TENM2: variants seen among roughly 807,000 people sequenced by gnomAD.
TENM2 encodes teneurin transmembrane protein 2.
Under a neutral mutation model 245.2 loss-of-function variants are expected in TENM2, and 52 were observed. The ratio of observed to expected loss-of-function variants is 0.21; its 90% CI spans 0.17 to 0.27. The LOEUF (loss-of-function observed/expected upper bound fraction) is 0.27, where lower values mean the gene tolerates loss of function less well. Ranked by LOEUF, TENM2 falls within the 10% of genes least tolerant of loss-of-function variation. TENM2 has a pLI of 1.00. For synonymous variants in TENM2, 1,363 were observed against 1,438.9 expected (o/e 0.95, Z 1.19); for missense variants, 3,046 against 3,666.8 (o/e 0.83, Z 4.37).
chr5:167,482,726 G>C (rs1767833345), intron 2 of TENM2, among the ~76,000 whole-genome samples: 1 of 152,152 alleles, frequency 6.6e-6, no homozygotes, highest in African/African-American at 2.4e-5. Context: ...TCTTAACTGT[G>C]TGACTTAAGT....
chr5:167,571,949 C>T (rs182205409), intron 2 of TENM2, among the ~76,000 whole-genome samples: 64 of 152,312 alleles, frequency 4.2e-4, no homozygotes, highest in Admixed American at 1.2e-3. Flanking sequence ...TTCCCAGTCA[C>T]CACTTCCCTC....
intron 4 of TENM2, among the ~76,000 whole-genome samples, chr5:167,954,386 G>A (rs1173045852): frequency 6.6e-6 from 1 of 152,184 alleles, no homozygotes; most frequent in East Asian, 1.9e-4. Context: ...TTTATTAGGT[G>A]CAGTTTTGGC....
intron 2 of TENM2, among the ~76,000 whole-genome samples, chr5:167,559,365 A>G (rs1310861399): frequency 1.3e-5 from 2 of 152,190 alleles, no homozygotes; most frequent in African/African-American, 4.8e-5. Flanking sequence ...AGTCAAATCC[A>G]GATGTCACAA....
At position 167,486,118 on chromosome 5, in the gene TENM2, G is replaced by C. The variant is rs1768053595; in HGVS notation, c.502+110645G>C. Among the ~76,000 whole-genome samples, 4 of 151,856 alleles carry C rather than the reference G, an allele frequency of 2.6e-5. No homozygotes were observed. The South Asian group carries it at 8.3e-4, about 31-fold the overall frequency. On this transcript the variant is annotated intron_variant, in intron 2 of 28. Transcript: ENST00000518659. ...CTTATTTTCAAAATGATTTCACAGA[G>C]AGCCTGTTCCAACGTACTGCAAAAT...
chr5:168,226,001 T>C, intron 23 of TENM2, 87 bp from the exon 26 acceptor site: 1 of 1,316,080 alleles, frequency 7.6e-7, no homozygotes, highest in African/African-American at 1.5e-5. Context: ...TCCCAGCTCT[T>C]TCTCTGGCCC....
At chr5:167,157,767 C>T in the TENM2 span, among the ~76,000 whole-genome samples, 1 of 152,104 alleles carries the variant, frequency 6.6e-6, no homozygotes, top group Non-Finnish European at 1.5e-5. Context: ...TTATAATCCA[C>T]GTTAAAAGTT....
chr5:167,489,711 C>A (rs562117155), intron 2 of TENM2, among the ~76,000 whole-genome samples: 1 of 152,248 alleles, frequency 6.6e-6, no homozygotes, highest in South Asian at 2.1e-4. Flanking sequence ...TCTATATCCT[C>A]AGTGCTAAGC....
intron 23 of TENM2, among the ~76,000 whole-genome samples, chr5:168,222,627 C>G (rs756491314): frequency 7.9e-5 from 12 of 152,176 alleles, no homozygotes; most frequent in Non-Finnish European, 1.3e-4. Flanking sequence ...TTTGGAAACC[C>G]TATCATGCCT....
At chr5:167,999,105 G>A (rs1212674957) in intron 5 of TENM2, among the ~76,000 whole-genome samples, 3 of 152,158 alleles carry the variant, frequency 2.0e-5, no homozygotes, top group Admixed American at 1.3e-4. Context: ...TTGTGGGGGC[G>A]CAGACTAGGA....
At chr5:167,309,539 A>C (rs774245353) in intron 1 of TENM2, among the ~76,000 whole-genome samples, 1 of 152,208 alleles carries the variant, frequency 6.6e-6, no homozygotes, top group African/African-American at 2.4e-5. Flanking sequence ...AATGTCTGCA[A>C]ACAGCTGGAA....
intron 2 of TENM2, among the ~76,000 whole-genome samples, chr5:167,680,802 T>G (rs77439920): frequency 0.015 from 2,297 of 152,284 alleles, 51 homozygotes; most frequent in African/African-American, 0.053. Context: ...TTTTGCTAGA[T>G]CCCCTGTGTA....
chr5:168,178,900 C>T (rs1035440365), intron 13 of TENM2, among the ~76,000 whole-genome samples: 3 of 152,098 alleles, frequency 2.0e-5, no homozygotes, highest in East Asian at 1.9e-4. Context: ...TTCGGGAGGC[C>T]GAGGCGGATG....
rs188321879 is a variant in TENM2, at chr5:167,317,517, C to G, written c.226+32454C>G. 2.4e-3 allele frequency among the ~76,000 whole-genome samples: 368 copies of G among 151,284 alleles called. 2 individuals are homozygous for G. The highest frequency in any genetic ancestry group is 8.6e-3 in the African/African-American group (356 of 41,532). ...TATCAGGAAATGGATCCCTGAGCAT[C>G]TGTCTATTATTCCTTTTGTGTGTTG... On this transcript the variant is annotated intron_variant, in intron 1 of 28. Coordinates refer to ENST00000518659, the Ensembl canonical transcript of TENM2.
the TENM2 span, among the ~76,000 whole-genome samples, chr5:167,150,559 T>G: frequency 6.6e-6 from 1 of 152,218 alleles, no homozygotes; most frequent in East Asian, 1.9e-4. Context: ...ACTCACATAG[T>G]GCTTACTATG....
intron 2 of TENM2, among the ~76,000 whole-genome samples, chr5:167,844,104 T>C (rs2151170038): frequency 6.6e-6 from 1 of 152,330 alleles, no homozygotes; most frequent in African/African-American, 2.4e-5. Flanking sequence ...GCTTTAGTTA[T>C]GACTTATGAC....
chr5:167,027,352 T>C, the TENM2 span, among the ~76,000 whole-genome samples: 1 of 152,224 alleles, frequency 6.6e-6, no homozygotes, highest in Admixed American at 6.5e-5. Flanking sequence ...GGTTCACTGG[T>C]TGAGCCCAGT....
downstream of TENM2, chr5:168,263,012 G>A (rs1012130554): frequency 1.5e-5 from 8 of 522,228 alleles, no homozygotes; most frequent in African/African-American, 5.7e-5. Flanking sequence ...ACTAAAGCCC[G>A]GCTGAAAATT....
At chr5:168,005,412 T>C (rs1244603429) in intron 5 of TENM2, among the ~76,000 whole-genome samples, 1 of 152,230 alleles carries the variant, frequency 6.6e-6, no homozygotes, top group South Asian at 2.1e-4. Context: ...CTGAATACCT[T>C]GCTAATTTTG....
intron 12 of TENM2, among the ~76,000 whole-genome samples, chr5:168,159,272 C>T (rs1419329065): frequency 6.6e-6 from 1 of 152,104 alleles, no homozygotes; most frequent in Non-Finnish European, 1.5e-5. Flanking sequence ...CTTTAGTCTC[C>T]AGGCAGCCAG....
Sources: gnomAD v4.1 joint callset for allele counts (sites outside exome capture counted in the v4.1 genomes callset) on GRCh38, gnomAD v4.1.1 for gene constraint, MANE v1.5 for transcripts, NCBI Gene and HGNC (gene_info 2026-07-23, HGNC 2026-07-21) for gene names.